Variants in LRMDA observed in about 807,000 individuals in gnomAD.
The protein encoded by LRMDA is leucine-rich melanocyte differentiation-associated protein.
In LRMDA, 18 loss-of-function variants were observed where a neutral mutation model predicts 29.8. The ratio of observed to expected loss-of-function variants is 0.60; its 90% CI spans 0.42 to 0.90. The LOEUF (loss-of-function observed/expected upper bound fraction) is 0.90. Ranked by LOEUF, LRMDA falls within the 40% of genes least tolerant of loss-of-function variation. LRMDA has a pLI of 0.00. For missense variants in LRMDA, 273 were observed against 273.9 expected (o/e 1.00, Z 0.02); for synonymous variants, 125 against 109.4 (o/e 1.14, Z -0.89).
At chr10:75,818,462 G>T (rs1168198048) in intron 2 of LRMDA, among the ~76,000 whole-genome samples, 1 of 152,194 alleles carries the variant, frequency 6.6e-6, no homozygotes, top group Non-Finnish European at 1.5e-5. Flanking sequence ...GAGACTGAGT[G>T]GTGTGTAGGT....
intron 2 of LRMDA, among the ~76,000 whole-genome samples, chr10:75,505,472 A>G (rs747644441): frequency 2.3e-4 from 35 of 152,220 alleles, no homozygotes; most frequent in Non-Finnish European, 4.4e-4. Flanking sequence ...TGGCACAGTC[A>G]CTAAACAGAA....
chr10:76,058,928 C>A, intron 5 of LRMDA, 145 bp downstream of exon 5: 2 of 677,466 alleles, frequency 3.0e-6, no homozygotes, highest in Non-Finnish European at 5.3e-6. Context: ...CATTGTTGGC[C>A]AAACATGAAA....
intron 6 of LRMDA, among the ~76,000 whole-genome samples, chr10:76,551,406 C>A (rs1354604864): frequency 2.0e-5 from 3 of 152,238 alleles, no homozygotes; most frequent in South Asian, 2.1e-4. Flanking sequence ...ATTTTATGTA[C>A]ATGATTATTT....
At chr10:75,756,999 T>C (rs1279665470) in intron 2 of LRMDA, among the ~76,000 whole-genome samples, 1 of 152,194 alleles carries the variant, frequency 6.6e-6, no homozygotes, top group Non-Finnish European at 1.5e-5. Flanking sequence ...TTGAACTATA[T>C]TAATGGGGCT....
At chr10:75,969,319 A>G (rs901481970) in intron 2 of LRMDA, among the ~76,000 whole-genome samples, 1 of 152,250 alleles carries the variant, frequency 6.6e-6, no homozygotes, top group African/African-American at 2.4e-5. Flanking sequence ...CGGTCCAGTA[A>G]TAATAACCTT....
At chr10:75,982,744 C>G (rs531436741) in intron 2 of LRMDA, among the ~76,000 whole-genome samples, 2 of 152,282 alleles carry the variant, frequency 1.3e-5, no homozygotes, top group Non-Finnish European at 2.9e-5. Context: ...TTACATGGTA[C>G]TTGGGTTCTT....
intron 5 of LRMDA, among the ~76,000 whole-genome samples, chr10:76,066,449 A>T (rs995073878): frequency 6.6e-6 from 1 of 152,216 alleles, no homozygotes; most frequent in South Asian, 2.1e-4. Flanking sequence ...TTACAGAGCA[A>T]GGTGGAACCA....
intron 2 of LRMDA, among the ~76,000 whole-genome samples, chr10:75,972,996 C>G (rs961305654): frequency 1.3e-5 from 2 of 148,500 alleles, no homozygotes; most frequent in Admixed American, 6.8e-5. Flanking sequence ...GGAGTAAGTC[C>G]TTTCAGGACA....
At chr10:75,772,328 T>C (rs116270142) in intron 2 of LRMDA, among the ~76,000 whole-genome samples, 1,906 of 152,334 alleles carry the variant, frequency 0.013, 37 homozygotes, top group African/African-American at 0.043. Flanking sequence ...TGTTATTGAC[T>C]TGATTTTTGC....
intron 6 of LRMDA, chr10:76,346,667 CTT>C (rs1841112447): frequency 6.6e-6 from 1 of 152,166 alleles, no homozygotes; most frequent in Non-Finnish European, 1.5e-5. Context: ...GTACTGGAAT[CTT>C]TACATATGTT....
At chr10:75,674,378 TAGAA>T (rs1194489538) in intron 2 of LRMDA, among the ~76,000 whole-genome samples, 2 of 152,182 alleles carry the variant, frequency 1.3e-5, no homozygotes, top group African/African-American at 4.8e-5. Context: ...AGTGATAAGG[TAGAA>T]AGAGCATGTT....
intron 5 of LRMDA, among the ~76,000 whole-genome samples, chr10:76,117,448 G>A (rs1203091082): frequency 1.3e-5 from 2 of 152,204 alleles, no homozygotes; most frequent in African/African-American, 4.8e-5. Flanking sequence ...TCTTCCCAGA[G>A]TAGAGTCCCC....
rs556969499 is a variant in LRMDA, at chr10:75,903,771, A to G, written c.132-132237A>G. Among the ~76,000 whole-genome samples the G allele has an allele frequency of 6.6e-5, 10 of 152,344 alleles. No individual in the cohort carries two copies. In the East Asian group the frequency reaches 1.9e-3, roughly 29 times the overall value. Reference sequence around the variant, plus strand: ...AGAGCTCCCGTTAAAGCAGTTCAGAACATGTGGGGCCGGGTGCCTGGTTTG... The same window carrying G: ...AGAGCTCCCGTTAAAGCAGTTCAGAGCATGTGGGGCCGGGTGCCTGGTTTG... On this transcript the variant is annotated intron_variant, in intron 2 of 6. Transcript: ENST00000611255.
chr10:76,409,204 C>T (rs772499275), intron 6 of LRMDA, among the ~76,000 whole-genome samples: 3 of 152,144 alleles, frequency 2.0e-5, no homozygotes, highest in East Asian at 1.9e-4. Flanking sequence ...CAGTGATTTT[C>T]GTACTCTTTT....
At chr10:75,686,847 C>T (rs1842088852) in intron 2 of LRMDA, among the ~76,000 whole-genome samples, 1 of 152,178 alleles carries the variant, frequency 6.6e-6, no homozygotes, top group Non-Finnish European at 1.5e-5. Flanking sequence ...AGCATGTGCT[C>T]GCTTCGTGGC....
At chr10:75,840,640 G>GA (rs937493447) in intron 2 of LRMDA, among the ~76,000 whole-genome samples, 1 of 152,152 alleles carries the variant, frequency 6.6e-6, no homozygotes, top group Non-Finnish European at 1.5e-5. Context: ...AACTGGAGGG[G>GA]AAAAAACCTA....
chr10:75,737,370 G>A (rs1291794277), intron 2 of LRMDA, among the ~76,000 whole-genome samples: 6 of 152,132 alleles, frequency 3.9e-5, no homozygotes, highest in Non-Finnish European at 7.4e-5. Context: ...TTGTGGTTTC[G>A]CCCCCATCAC....
intron 2 of LRMDA, among the ~76,000 whole-genome samples, chr10:75,734,900 G>A (rs1049213489): frequency 1.3e-5 from 2 of 152,198 alleles, no homozygotes; most frequent in Non-Finnish European, 1.5e-5. Context: ...CTGGTTGCTC[G>A]ATTTAACACT....
chr10:75,620,309 C>A (rs1338707203), intron 2 of LRMDA, among the ~76,000 whole-genome samples: 1 of 152,166 alleles, frequency 6.6e-6, no homozygotes, highest in African/African-American at 2.4e-5. Flanking sequence ...AAAAACTGAA[C>A]ACACTTTCAT....
Sources: allele counts gnomAD v4.1 joint callset (sites outside exome capture counted in the v4.1 genomes callset), GRCh38; gene constraint gnomAD v4.1.1; transcripts MANE v1.5; gene names NCBI Gene and HGNC (gene_info 2026-07-23, HGNC 2026-07-21).